Variants in DPP10 observed in about 807,000 individuals in gnomAD.
DPP10 encodes the protein inactive dipeptidyl peptidase 10.
In DPP10, 33 loss-of-function variants were observed where a neutral mutation model predicts 120.9. The ratio of observed to expected loss-of-function variants is 0.27; its 90% CI spans 0.21 to 0.37. The LOEUF (loss-of-function observed/expected upper bound fraction) is 0.37. DPP10 is among the 10% of genes least tolerant of loss of function. DPP10 has a pLI of 1.00. For synonymous variants in DPP10, 337 were observed against 326.1 expected (o/e 1.03, Z -0.36); for missense variants, 816 against 942.8 (o/e 0.87, Z 1.76).
chr2:114,635,104 G>A (rs1005410312), intron 1 of DPP10, among the ~76,000 whole-genome samples: 3 of 151,406 alleles, frequency 2.0e-5, no homozygotes, highest in East Asian at 1.9e-4. Flanking sequence ...TGAGTTTTAC[G>A]TAAACTTGTT....
intron 1 of DPP10, among the ~76,000 whole-genome samples, chr2:114,498,100 G>GTA (rs1656215914): frequency 6.6e-6 from 1 of 152,116 alleles, no homozygotes; most frequent in African/African-American, 2.4e-5. Context: ...TGTGATATAT[G>GTA]TATACAATAT....
rs2071407864 is a variant in DPP10, at chr2:115,435,449, G to A, written c.272-64061G>A. On this transcript the variant is annotated intron_variant, in intron 3 of 25. Coordinates refer to ENST00000410059, the MANE Select transcript of DPP10 (RefSeq NM_020868.6). ...GATTCTAATTTCCCTGATGATTAGT[G>A]ATGTTCAACATTTTTTCATATGCCT... Among the ~76,000 whole-genome samples, 3 of 151,792 alleles carry A rather than the reference G, an allele frequency of 2.0e-5. No individual in the cohort carries two copies. The South Asian group carries it at 6.2e-4, about 31-fold the overall frequency.
intron 1 of DPP10, among the ~76,000 whole-genome samples, chr2:114,954,603 A>T (rs568487854): frequency 1.3e-5 from 2 of 152,254 alleles, no homozygotes; most frequent in Admixed American, 6.5e-5. Flanking sequence ...GAAAATAATA[A>T]AGATAAGAGC....
intron 5 of DPP10, among the ~76,000 whole-genome samples, chr2:115,546,853 G>A (rs766067952): frequency 6.6e-6 from 1 of 152,120 alleles, no homozygotes; most frequent in Non-Finnish European, 1.5e-5. Flanking sequence ...ACTATTGTGA[G>A]ACAGGTCTTT....
In DPP10 at chr2:115,589,452, G is replaced by C. The variant is rs2082490432; in HGVS notation, c.441+63480G>C. 2.0e-5 allele frequency among the ~76,000 whole-genome samples: 3 copies of C among 152,064 alleles called. No homozygotes were observed. The South Asian group carries it at 6.2e-4, about 31-fold the overall frequency. On this transcript the variant is annotated intron_variant, in intron 5 of 25. Transcript: ENST00000410059. ...GTCAACTTGGAGGGAAAGAACCTGAGATCACTCACAGAATTCTGCTCAAGT... is the reference window on the plus strand; with the variant it reads ...GTCAACTTGGAGGGAAAGAACCTGACATCACTCACAGAATTCTGCTCAAGT...
intron 2 of DPP10, among the ~76,000 whole-genome samples, chr2:115,341,110 A>G (rs918005595): frequency 2.0e-5 from 3 of 152,144 alleles, no homozygotes; most frequent in African/African-American, 7.2e-5. Context: ...TACTTTTATG[A>G]TGGAAGCTGA....
chr2:115,176,860 T>C (rs2053724848), intron 1 of DPP10, among the ~76,000 whole-genome samples: 1 of 152,222 alleles, frequency 6.6e-6, no homozygotes, highest in African/African-American at 2.4e-5. Flanking sequence ...CCCTTGTCTG[T>C]TCCAGTAGAC....
At chr2:114,639,472 G>A (rs1695545912) in intron 1 of DPP10, among the ~76,000 whole-genome samples, 1 of 151,726 alleles carries the variant, frequency 6.6e-6, no homozygotes, top group African/African-American at 2.4e-5. Context: ...CATAAACATG[G>A]GAACAATAGA....
intron 1 of DPP10, among the ~76,000 whole-genome samples, chr2:114,578,689 C>G (rs561368037): frequency 6.6e-6 from 1 of 152,152 alleles, no homozygotes; most frequent in Admixed American, 6.5e-5. Context: ...TAAATTGAGA[C>G]GGTGTTCTGG....
At chr2:114,979,006 T>C (rs1360250354) in intron 1 of DPP10, among the ~76,000 whole-genome samples, 1 of 152,120 alleles carries the variant, frequency 6.6e-6, no homozygotes. Context: ...GAGAAAGACA[T>C]AGCCTAGCAT....
chr2:114,603,646 T>C (rs1692552229), intron 1 of DPP10, among the ~76,000 whole-genome samples: 1 of 152,106 alleles, frequency 6.6e-6, no homozygotes. Context: ...AATGATTTTC[T>C]TTATCCAGTA....
intron 3 of DPP10, among the ~76,000 whole-genome samples, chr2:115,378,687 G>C (rs1418789939): frequency 1.3e-5 from 2 of 151,892 alleles, no homozygotes; most frequent in Non-Finnish European, 2.9e-5. Context: ...TTGGCTGTGG[G>C]TTTGTCATAG....
intron 1 of DPP10, among the ~76,000 whole-genome samples, chr2:114,751,467 C>G (rs957947312): frequency 1.3e-5 from 2 of 152,192 alleles, no homozygotes; most frequent in African/African-American, 4.8e-5. Context: ...CTGTGGACAT[C>G]TAGGGAGTCT....
intron 5 of DPP10, among the ~76,000 whole-genome samples, chr2:115,584,417 A>G (rs1040829181): frequency 2.6e-5 from 4 of 152,322 alleles, no homozygotes; most frequent in Non-Finnish European, 5.9e-5. Flanking sequence ...AAGGAGAGAA[A>G]CACAGAGGGA....
At position 114,757,044 on chromosome 2, in the gene DPP10, AG is replaced by A. The variant is rs1197535373; in HGVS notation, c.60+314208del. ...AAGTCTTGAATATAGGAAGGAAGGA[AG>A]GAAGGAGAGGGAGAAAGAAATGAAG... is the stretch of plus-strand genomic sequence containing the variant. On this transcript the variant is annotated intron_variant, in intron 1 of 25. Coordinates refer to ENST00000410059, the MANE Select transcript of DPP10 (RefSeq NM_020868.6). 1.2e-3 allele frequency among the ~76,000 whole-genome samples: 181 copies of A among 150,616 alleles called. 2 individuals are homozygous for A. The highest frequency in any genetic ancestry group is 4.3e-3 in the African/African-American group (177 of 41,206).
chr2:114,557,392 T>G (rs1019464860), intron 1 of DPP10, among the ~76,000 whole-genome samples: 1 of 152,112 alleles, frequency 6.6e-6, no homozygotes, highest in African/African-American at 2.4e-5. Context: ...TTTAATAAAA[T>G]GTAATAGTTG....
chr2:115,522,590 A>C (rs1263019242), intron 4 of DPP10, among the ~76,000 whole-genome samples: 1 of 152,172 alleles, frequency 6.6e-6, no homozygotes, highest in Non-Finnish European at 1.5e-5. Flanking sequence ...AATCACCTGC[A>C]TATTTGCTTT....
chr2:114,723,160 G>C (rs925335049), intron 1 of DPP10, among the ~76,000 whole-genome samples: 1 of 152,114 alleles, frequency 6.6e-6, no homozygotes, highest in African/African-American at 2.4e-5. Context: ...TATGGTCATC[G>C]AACTTCCTAG....
At chr2:115,288,598 C>T (rs577160521) in intron 1 of DPP10, among the ~76,000 whole-genome samples, 115 of 152,040 alleles carry the variant, frequency 7.6e-4, no homozygotes, top group African/African-American at 2.7e-3. Flanking sequence ...GGGGGGGAGC[C>T]TGTAATCCCA....
Sources: gnomAD v4.1 joint callset for allele counts (sites outside exome capture counted in the v4.1 genomes callset) on GRCh38, gnomAD v4.1.1 for gene constraint, MANE v1.5 for transcripts, NCBI Gene and HGNC (gene_info 2026-07-23, HGNC 2026-07-21) for gene names.